The following CGGBP1 variants were observed in gnomAD, a reference collection of about 807,000 sequenced individuals.
The protein encoded by CGGBP1 is CGG triplet repeat binding protein 1, also known as CGG triplet repeat-binding protein 1.
CGGBP1 carries 4 observed loss-of-function variants against 11.4 expected under a neutral mutation model. That is an observed-to-expected ratio of 0.35 (90% CI 0.17 to 0.80). The LOEUF is 0.80. Ranked by LOEUF, CGGBP1 falls within the 30% of genes least tolerant of loss-of-function variation. CGGBP1 has a pLI of 0.52. For synonymous variants in CGGBP1, 76 were observed against 74.1 expected (o/e 1.03, Z -0.13); for missense variants, 135 against 202.1 (o/e 0.67, Z 2.01).
chr3:88,073,014 G>C (rs1707603682), intron 2 of CGGBP1, among the ~76,000 whole-genome samples: 1 of 152,146 alleles, frequency 6.6e-6, no homozygotes, highest in Admixed American at 6.5e-5. Context: ...AAATAGTATG[G>C]GGTAGGTGGA....
intron 2 of CGGBP1, among the ~76,000 whole-genome samples, chr3:88,092,312 T>C (rs562858481): frequency 7.7e-4 from 117 of 152,308 alleles, no homozygotes; most frequent in African/African-American, 2.8e-3. Context: ...TAAAATAGAA[T>C]ATAAGATAGA....
intron 2 of CGGBP1, among the ~76,000 whole-genome samples, chr3:88,138,383 G>T (rs2107884380): frequency 6.6e-6 from 1 of 152,034 alleles, no homozygotes; most frequent in African/African-American, 2.4e-5. Flanking sequence ...ATAAATGGGG[G>T]TCTAGAAGAA....
chr3:88,075,807 C>T (rs967456219), intron 2 of CGGBP1, among the ~76,000 whole-genome samples: 13 of 151,688 alleles, frequency 8.6e-5, no homozygotes, highest in African/African-American at 3.2e-4. Context: ...TAGTGTCTTC[C>T]GTAATGTTAG....
chr3:88,124,772 G>GT (rs11287888), intron 2 of CGGBP1, among the ~76,000 whole-genome samples: 43 of 147,138 alleles, frequency 2.9e-4, no homozygotes, highest in Middle Eastern at 3.5e-3. Context: ...ACAATACTCA[G>GT]TTTTTTTTTT....
intron 2 of CGGBP1, among the ~76,000 whole-genome samples, chr3:88,085,288 C>A (rs1050115780): frequency 1.3e-5 from 2 of 152,174 alleles, no homozygotes; most frequent in East Asian, 3.9e-4. Flanking sequence ...TCTGTCACAA[C>A]TACTGAACTC....
upstream of CGGBP1, among the ~76,000 whole-genome samples, chr3:88,059,791 C>G (rs1706745779): frequency 6.6e-6 from 1 of 152,124 alleles, no homozygotes. Context: ...TCCTGACATG[C>G]CTTCCCTACC....
upstream of CGGBP1, chr3:88,059,099 A>C (rs1706677148): frequency 2.4e-6 from 2 of 822,262 alleles, no homozygotes; most frequent in Non-Finnish European, 3.7e-6. Flanking sequence ...CACCAATAGT[A>C]GTGGAAAGGC....
intron 2 of CGGBP1, among the ~76,000 whole-genome samples, chr3:88,064,707 T>C (rs1301729034): frequency 6.6e-6 from 1 of 152,214 alleles, no homozygotes; most frequent in South Asian, 2.1e-4. Flanking sequence ...TCTGTAGATA[T>C]CTCTCCTTTT....
At chr3:88,146,745 C>CT (rs1487066810) in intron 1 of CGGBP1, among the ~76,000 whole-genome samples, 1 of 152,078 alleles carries the variant, frequency 6.6e-6, no homozygotes, top group Non-Finnish European at 1.5e-5. Flanking sequence ...GGTTGTTCAC[C>CT]TTTTTGCCTG....
At chr3:88,074,349 T>TTTA (rs1247433856) in intron 2 of CGGBP1, among the ~76,000 whole-genome samples, 3 of 150,560 alleles carry the variant, frequency 2.0e-5, no homozygotes, top group Middle Eastern at 3.4e-3. Flanking sequence ...TCTTACTTTT[T>TTTA]TTTTTTTTTT....
chr3:88,144,774 G>A (rs1390654616), intron 1 of CGGBP1: 1 of 152,270 alleles, frequency 6.6e-6, no homozygotes, highest in African/African-American at 2.4e-5. Flanking sequence ...ATTTCAGTTA[G>A]TATATTACCA....
intron 2 of CGGBP1, among the ~76,000 whole-genome samples, chr3:88,126,642 A>T (rs1452130351): frequency 1.4e-5 from 2 of 143,730 alleles, no homozygotes; most frequent in East Asian, 4.1e-4. Context: ...AAGCACATGG[A>T]ATCTCACTTC....
At chr3:88,091,149 C>T (rs1181317633) in intron 2 of CGGBP1, among the ~76,000 whole-genome samples, 3 of 152,128 alleles carry the variant, frequency 2.0e-5, no homozygotes, top group African/African-American at 7.2e-5. Flanking sequence ...CACACAAGGA[C>T]AAAATCACCT....
intron 2 of CGGBP1, among the ~76,000 whole-genome samples, chr3:88,093,079 C>G (rs1703844222): frequency 2.0e-5 from 3 of 152,094 alleles, no homozygotes; most frequent in Admixed American, 2.0e-4. Flanking sequence ...TCTGAAGAAA[C>G]AGAGATTTTG....
chr3:88,070,874 A>G (rs1335930154), intron 2 of CGGBP1, among the ~76,000 whole-genome samples: 1 of 152,208 alleles, frequency 6.6e-6, no homozygotes, highest in Non-Finnish European at 1.5e-5. Context: ...AAAGGGATCA[A>G]GATGTTAATA....
At chr3:88,065,565 C>G (rs1412112282) in intron 2 of CGGBP1, among the ~76,000 whole-genome samples, 1 of 151,806 alleles carries the variant, frequency 6.6e-6, no homozygotes, top group Non-Finnish European at 1.5e-5. Flanking sequence ...TGAAATATAC[C>G]AAAGTGTTGT....
chr3:88,128,903 T>C (rs1458001073), intron 2 of CGGBP1: 6 of 1,535,648 alleles, frequency 3.9e-6, no homozygotes, highest in Non-Finnish European at 4.4e-6. Flanking sequence ...CAATGGCTCT[T>C]ATTAAATCTT....
At chr3:88,145,779 G>C (rs571219071) in intron 1 of CGGBP1, among the ~76,000 whole-genome samples, 2 of 152,274 alleles carry the variant, frequency 1.3e-5, no homozygotes, top group South Asian at 2.1e-4. Context: ...CTGCACATTG[G>C]GGGGAAGAAA....
chr3:88,145,045 G>T (rs1707284500), intron 1 of CGGBP1, among the ~76,000 whole-genome samples: 1 of 141,238 alleles, frequency 7.1e-6, no homozygotes, highest in Non-Finnish European at 1.6e-5. Context: ...CTTCAAAAAT[G>T]AAGAGCTTCT....
Sources: allele counts gnomAD v4.1 joint callset (sites outside exome capture counted in the v4.1 genomes callset), GRCh38; gene constraint gnomAD v4.1.1; transcripts MANE v1.5; gene names NCBI Gene and HGNC (gene_info 2026-07-23, HGNC 2026-07-21).